Variants in LY96 observed in about 807,000 individuals in gnomAD.
LY96 encodes the protein lymphocyte antigen 96.
A neutral mutation model predicts 18.9 loss-of-function variants in LY96; 18 were observed. The observed-to-expected ratio is 0.95, with a 90% CI of 0.66 to 1.41. The LOEUF is 1.41. Ranked by LOEUF, LY96 falls within the 40% of genes most tolerant of loss-of-function variation. The pLI, the probability that LY96 is intolerant of heterozygous loss-of-function variation, is 0.00. For synonymous variants in LY96, 66 were observed against 62.6 expected, an observed-to-expected ratio of 1.06 and a Z score of -0.26; for missense variants, 175 against 182.4, an observed-to-expected ratio of 0.96 and a Z score of 0.23.
chr8:74,063,751 T>C, the LY96 span, among the ~76,000 whole-genome samples: 2 of 151,968 alleles, frequency 1.3e-5, no homozygotes, highest in African/African-American at 4.8e-5. Context: ...TTCTTAAAAT[T>C]TATATTTTCC....
chr8:74,014,991 G>C (rs1816614070), intron 3 of LY96, among the ~76,000 whole-genome samples: 1 of 152,124 alleles, frequency 6.6e-6, no homozygotes, highest in Non-Finnish European at 1.5e-5. Flanking sequence ...TGGGCTGCTT[G>C]ACATCAGGAG....
At chr8:74,030,739 C>T (rs1207325775), downstream of LY96, among the ~76,000 whole-genome samples, 5 of 152,174 alleles carry the variant, frequency 3.3e-5, no homozygotes, top group African/African-American at 9.7e-5. Context: ...TACCAAAGTA[C>T]AACATTCATT....
intron 1 of LY96, among the ~76,000 whole-genome samples, chr8:73,994,814 A>G (rs1323034273): frequency 6.6e-6 from 1 of 152,200 alleles, no homozygotes; most frequent in African/African-American, 2.4e-5. Flanking sequence ...TTCAGGTGCC[A>G]TAACAAAATA....
At chr8:74,048,050 C>A in the LY96 span, among the ~76,000 whole-genome samples, 1 of 152,078 alleles carries the variant, frequency 6.6e-6, no homozygotes, top group South Asian at 2.1e-4. Context: ...AGGTACACAC[C>A]GCCACACAGC....
chr8:74,035,540 A>G, the LY96 span, among the ~76,000 whole-genome samples: 1 of 152,172 alleles, frequency 6.6e-6, no homozygotes, highest in African/African-American at 2.4e-5. Context: ...CAGCCAGGGC[A>G]CTCCAAAGAT....
intron 1 of LY96, among the ~76,000 whole-genome samples, chr8:74,000,043 T>C (rs978018975): frequency 6.6e-6 from 1 of 152,232 alleles, no homozygotes; most frequent in Non-Finnish European, 1.5e-5. Context: ...TTTTCACCAC[T>C]GAGTATGATG....
chr8:74,066,047 CTA>C, the LY96 span, among the ~76,000 whole-genome samples: 3 of 152,130 alleles, frequency 2.0e-5, no homozygotes, highest in African/African-American at 7.2e-5. Context: ...GTCTGGGTTG[CTA>C]TAACACAATA....
Position 73,996,619 on chromosome 8 carries a change from A to G in LY96, c.112+5065A>G, listed in dbSNP as rs952331673. ...TTTTTAGTAGAGACGGGGTTTCACC[A>G]TGTTGGTCAGGCTGGTCTTGAACTC... On this transcript the variant is annotated intron_variant, in intron 1 of 4. Coordinates refer to ENST00000284818, the MANE Select transcript of LY96 (RefSeq NM_015364.5). Among the ~76,000 whole-genome samples the G allele has an allele frequency of 4.6e-5, 7 of 151,676 alleles. No homozygotes were observed. In the East Asian group the frequency reaches 1.2e-3, roughly 25 times the overall value.
At chr8:74,053,232 A>G in the LY96 span, among the ~76,000 whole-genome samples, 3 of 152,078 alleles carry the variant, frequency 2.0e-5, no homozygotes, top group African/African-American at 7.2e-5. Context: ...TAGCCTCCTG[A>G]AATCTCTGTC....
chr8:74,072,360 A>G, the LY96 span, among the ~76,000 whole-genome samples: 1,032 of 152,194 alleles, frequency 6.8e-3, 13 homozygotes, highest in African/African-American at 0.024. Flanking sequence ...TTTATGGGCC[A>G]TATCTGTTTT....
downstream of LY96, among the ~76,000 whole-genome samples, chr8:74,033,900 C>CTT (rs59809614): frequency 3.0e-3 from 442 of 145,856 alleles, 2 homozygotes; most frequent in African/African-American, 0.01. Flanking sequence ...CAATTGGAGA[C>CTT]TTTTTTTTTT....
At chr8:74,096,162 C>T in the LY96 span, among the ~76,000 whole-genome samples, 1 of 152,206 alleles carries the variant, frequency 6.6e-6, no homozygotes, top group Non-Finnish European at 1.5e-5. Flanking sequence ...GTCTGATCCA[C>T]AAACATCCCT....
chr8:74,048,864 G>A, the LY96 span: 2 of 150,650 alleles, frequency 1.3e-5, no homozygotes, highest in Non-Finnish European at 2.9e-5. Context: ...GAAAGAAAAG[G>A]AGAAAGAAAA....
the LY96 span, among the ~76,000 whole-genome samples, chr8:74,097,728 GTAAA>G: frequency 1.6e-5 from 2 of 122,634 alleles, no homozygotes; most frequent in Non-Finnish European, 3.3e-5. Flanking sequence ...AAATAAATAA[GTAAA>G]TAAATAAGTA....
chr8:73,996,433 C>CTT (rs1174644725), intron 1 of LY96, among the ~76,000 whole-genome samples: 6 of 102,218 alleles, frequency 5.9e-5, no homozygotes, highest in Admixed American at 4.1e-4. Context: ...TTCTTTCTTT[C>CTT]TTTCTTTTTC....
At chr8:74,013,001 G>A (rs1816560578) in intron 3 of LY96, among the ~76,000 whole-genome samples, 1 of 152,036 alleles carries the variant, frequency 6.6e-6, no homozygotes. Context: ...CTGTCACCCA[G>A]ATTAGAGTGC....
chr8:74,052,566 T>C, the LY96 span: 58 of 151,618 alleles, frequency 3.8e-4, no homozygotes, highest in African/African-American at 1.2e-3. Context: ...TGGGACAGAG[T>C]TGTAGCAGCA....
At chr8:74,005,786 C>A (rs569734662) in intron 2 of LY96, among the ~76,000 whole-genome samples, 1 of 152,290 alleles carries the variant, frequency 6.6e-6, no homozygotes, top group Admixed American at 6.5e-5. Context: ...CCTCTCCTAC[C>A]AGTTACCAAA....
chr8:74,043,769 C>T, the LY96 span, among the ~76,000 whole-genome samples: 10 of 151,926 alleles, frequency 6.6e-5, 1 homozygote, highest in African/African-American at 2.2e-4. Flanking sequence ...TTGATGAATG[C>T]CTAATTAATT....
Sources: gnomAD v4.1 joint callset for allele counts (sites outside exome capture counted in the v4.1 genomes callset) on GRCh38, gnomAD v4.1.1 for gene constraint, MANE v1.5 for transcripts, NCBI Gene and HGNC (gene_info 2026-07-23, HGNC 2026-07-21) for gene names.